Variants in MAGI1 observed in about 807,000 individuals in gnomAD.
MAGI1 encodes the protein membrane associated guanylate kinase, WW and PDZ domain containing 1.
In MAGI1, 58 loss-of-function variants were observed where a neutral mutation model predicts 139.9. The observed-to-expected ratio is 0.41, with a 90% CI of 0.34 to 0.52. MAGI1 has a LOEUF of 0.52. Among genes scored for constraint, MAGI1 ranks in the 20% least tolerant of loss-of-function variants. The probability of loss-of-function intolerance (pLI) is 0.12; values close to 1 mark genes in which losing one functional copy is unlikely to be tolerated. For synonymous variants in MAGI1, 812 were observed against 737.9 expected, an observed-to-expected ratio of 1.10 and a Z score of -1.63; for missense variants, 1,874 against 1,901.6, an observed-to-expected ratio of 0.99 and a Z score of 0.27.
At chr3:65,759,586 G>A (rs560923020) in intron 1 of MAGI1, among the ~76,000 whole-genome samples, 1 of 152,182 alleles carries the variant, frequency 6.6e-6, no homozygotes, top group Non-Finnish European at 1.5e-5. Context: ...AGCAGTGGGT[G>A]GGGGGTAGAA....
intron 1 of MAGI1, among the ~76,000 whole-genome samples, chr3:65,911,543 T>C (rs11717580): frequency 0.08 from 12,194 of 152,232 alleles, 643 homozygotes; most frequent in Middle Eastern, 0.14. Flanking sequence ...TAGATTTTTT[T>C]TGCACTTAGG....
intron 1 of MAGI1, among the ~76,000 whole-genome samples, chr3:65,828,863 G>T (rs957842475): frequency 1.6e-4 from 24 of 152,198 alleles, no homozygotes; most frequent in Non-Finnish European, 3.1e-4. Context: ...AGGAAAAGGA[G>T]CTCAACCCTG....
chr3:65,815,847 C>T (rs1446691746), intron 1 of MAGI1, among the ~76,000 whole-genome samples: 1 of 152,050 alleles, frequency 6.6e-6, no homozygotes, highest in Non-Finnish European at 1.5e-5. Flanking sequence ...CCTGGACTGG[C>T]TAAATAACTA....
chr3:65,648,026 A>G (rs1460928359), intron 1 of MAGI1, among the ~76,000 whole-genome samples: 1 of 152,260 alleles, frequency 6.6e-6, no homozygotes, highest in Non-Finnish European at 1.5e-5. Flanking sequence ...TATTCCTCAA[A>G]TATCATGATT....
At chr3:65,603,356 G>A (rs893656050) in intron 2 of MAGI1, among the ~76,000 whole-genome samples, 1 of 152,170 alleles carries the variant, frequency 6.6e-6, no homozygotes, top group Admixed American at 6.5e-5. Context: ...ATATAGCACA[G>A]TGTTGAGATG....
At chr3:65,478,437 C>T (rs866512562) in intron 4 of MAGI1, among the ~76,000 whole-genome samples, 155 bp downstream of exon 4, 3 of 152,102 alleles carry the variant, frequency 2.0e-5, no homozygotes, top group South Asian at 2.1e-4. Context: ...AGGGAAAGGA[C>T]CATCTCTTCT....
intron 1 of MAGI1, among the ~76,000 whole-genome samples, chr3:65,740,897 C>CATT (rs2035204057): frequency 6.6e-6 from 1 of 152,184 alleles, no homozygotes; most frequent in Non-Finnish European, 1.5e-5. Context: ...AATGTTCAGC[C>CATT]ATTAACTTTG....
intron 1 of MAGI1, among the ~76,000 whole-genome samples, chr3:65,743,553 C>CA (rs2035447348): frequency 6.6e-6 from 1 of 150,826 alleles, no homozygotes; most frequent in South Asian, 2.1e-4. Context: ...AATAAAAATA[C>CA]AAAAAATTAG....
Position 65,379,321 on chromosome 3 carries a change from C to T in MAGI1, c.2935G>A (p.Glu979Lys). Residue 979 changes from glutamate to lysine, a missense_variant, in exon 17 of 23, where the codon GAG (glutamate) becomes AAG (lysine). Around this residue, in one of 5 missense-constraint regions of MAGI1, gnomAD observed 5 missense variants for 19.5 expected, o/e 0.26. Transcript: ENST00000402939. ...YDVEIRRGEN[E>K]GFGFVIVSSV... The stretch of plus-strand genomic sequence containing the variant: ...GACACGATGACGAAGCCGAAGCCCT[C>T]GTTCTCCCCGCGCCGGATCTCCACG... 6.2e-7 allele frequency: 1 copy of T among 1,613,332 alleles called. No homozygotes were observed. The highest frequency in any genetic ancestry group is 8.5e-7 in the Non-Finnish European group (1 of 1,179,664).
chr3:65,483,002 A>T (rs142808056), intron 3 of MAGI1, among the ~76,000 whole-genome samples: 1 of 152,340 alleles, frequency 6.6e-6, no homozygotes, highest in African/African-American at 2.4e-5. Flanking sequence ...AAGATCTTGG[A>T]CCCCATCTAG....
At chr3:65,928,834 T>C (rs534855750) in intron 1 of MAGI1, among the ~76,000 whole-genome samples, 1 of 152,252 alleles carries the variant, frequency 6.6e-6, no homozygotes, top group Admixed American at 6.5e-5. Context: ...TTTCAGCCTC[T>C]AAGCAAAATA....
chr3:65,998,843 C>T (rs1475497263), intron 1 of MAGI1, among the ~76,000 whole-genome samples: 1 of 151,906 alleles, frequency 6.6e-6, no homozygotes, highest in Non-Finnish European at 1.5e-5. Context: ...ACTTTTAAGG[C>T]ACATAGCTTG....
At chr3:65,707,177 T>A (rs1480658719) in intron 1 of MAGI1, among the ~76,000 whole-genome samples, 1 of 152,232 alleles carries the variant, frequency 6.6e-6, no homozygotes, top group Non-Finnish European at 1.5e-5. Flanking sequence ...TTTCCTTCAG[T>A]GCTGATTGGC....
chr3:65,972,577 G>A (rs1229516477), intron 1 of MAGI1, among the ~76,000 whole-genome samples: 1 of 152,054 alleles, frequency 6.6e-6, no homozygotes, highest in Non-Finnish European at 1.5e-5. Flanking sequence ...TTTATTTGCA[G>A]TTTCTATTCA....
At chr3:65,444,523 G>T (rs1319382381) in intron 7 of MAGI1, among the ~76,000 whole-genome samples, 6 of 152,136 alleles carry the variant, frequency 3.9e-5, no homozygotes, top group Non-Finnish European at 2.9e-5. Flanking sequence ...ATTATCTTTA[G>T]ATAAAACAGG....
chr3:65,434,467 G>A (rs1349831563), intron 10 of MAGI1, among the ~76,000 whole-genome samples: 1 of 152,144 alleles, frequency 6.6e-6, no homozygotes, highest in Non-Finnish European at 1.5e-5. Context: ...ATTATCACTT[G>A]CTAAGATTAG....
At chr3:65,369,675 A>AT (rs1189309040) in intron 18 of MAGI1, among the ~76,000 whole-genome samples, 1 of 151,922 alleles carries the variant, frequency 6.6e-6, no homozygotes, top group Non-Finnish European at 1.5e-5. Flanking sequence ...TGCCTGGCTA[A>AT]TTTTTTGTAT....
intron 1 of MAGI1, among the ~76,000 whole-genome samples, chr3:65,930,290 T>C (rs1420586121): frequency 8.7e-6 from 1 of 114,546 alleles, no homozygotes; most frequent in Non-Finnish European, 1.7e-5. Context: ...CACTCCAGCC[T>C]GGGCGAAAGA....
intron 1 of MAGI1, among the ~76,000 whole-genome samples, chr3:65,716,995 T>C (rs991563470): frequency 1.3e-5 from 2 of 152,210 alleles, no homozygotes; most frequent in East Asian, 1.9e-4. Flanking sequence ...TCTGTGAATA[T>C]GTTCCCTTAC....
Sources: allele counts gnomAD v4.1 joint callset (sites outside exome capture counted in the v4.1 genomes callset), GRCh38; gene constraint gnomAD v4.1.1; regional missense constraint gnomAD v4.1.1; transcripts MANE v1.5; gene names NCBI Gene and HGNC (gene_info 2026-07-23, HGNC 2026-07-21).